PUM2: variants seen among roughly 807,000 people sequenced by gnomAD.
The protein encoded by PUM2 is pumilio RNA binding family member 2.
A neutral mutation model predicts 124.5 loss-of-function variants in PUM2; 57 were observed. The ratio of observed to expected loss-of-function variants is 0.46; its 90% CI spans 0.37 to 0.57. The LOEUF is 0.57. Ranked by LOEUF, PUM2 falls within the 20% of genes least tolerant of loss-of-function variation. The probability of loss-of-function intolerance (pLI) is 0.00; values close to 1 mark genes in which losing one functional copy is unlikely to be tolerated. For synonymous variants in PUM2, 460 were observed against 446.1 expected, an observed-to-expected ratio of 1.03 and a Z score of -0.39; for missense variants, 1,065 against 1,290.6, an observed-to-expected ratio of 0.83 and a Z score of 2.68.
At chr2:20,278,955 T>C (rs1170268303) in intron 12 of PUM2, 136 bp from the exon 13 acceptor site, 7 of 684,002 alleles carry the variant, frequency 1.0e-5, no homozygotes, top group Non-Finnish European at 1.5e-5. Context: ...ATAATTACTG[T>C]GATAACTATA....
rs1263324514 is a variant in PUM2 at position 20,263,467 on chromosome 2, C to G, written c.1958-7G>C. 6.3e-7 allele frequency: 1 copy of G among 1,590,842 alleles called. No homozygotes were observed. Among genetic ancestry groups the G allele is most frequent in the Non-Finnish European group, 8.6e-7 (1 of 1,162,458 alleles). The stretch of plus-strand genomic sequence containing the variant: ...CTACCATTTGTCAGTCCTCCTACAA[C>G]AAAGCAGCTATGGTCAGCAAGTATT... On this transcript the variant is annotated splice_polypyrimidine_tract_variant and splice_region_variant and intron_variant, in intron 13 of 20. Transcript: ENST00000361078.
In PUM2 at chr2:20,294,433, C is replaced by T. The variant is rs187424529; in HGVS notation, c.1095G>A (p.Ala365=). The change falls in exon 9 of 21, where the codon GCG becomes GCA. Residue 365 remains alanine (A), a synonymous_variant. Transcript: ENST00000361078. ...CTTGCTGACTGGCTGTGTTATTTGC[C>T]GCAGCTGCAGCTTGCTGCTGAAATA... ...ANLFQQQAAA[A]ANNTASQQAA... is the part of the protein sequence containing the mutation. The T allele has an allele frequency of 4.0e-5, 64 of 1,614,110 alleles. No homozygotes were observed. In the African/African-American group the frequency reaches 4.9e-4, roughly 12 times the overall value.
rs1573074796 is a variant in PUM2 at position 20,350,580 on chromosome 2, A to C, written c.-19+17T>G. The C allele has an allele frequency of 2.0e-6, 2 of 985,422 alleles. No homozygotes were observed. The highest frequency in any genetic ancestry group is 2.3e-4 in the East Asian group (2 of 8,794). 61.0% of individuals were successfully genotyped at this position (985,422 alleles called of 1,614,324 possible). Reference sequence around the variant, plus strand: ...GCGCCAAAGGACCGGAGAAAGAGCGAACGCGGACTGACTTACAGGGCTGCT... The same window carrying C: ...GCGCCAAAGGACCGGAGAAAGAGCGCACGCGGACTGACTTACAGGGCTGCT... On this transcript the variant is annotated intron_variant, in intron 1 of 20. Coordinates refer to ENST00000361078, the MANE Select transcript of PUM2 (RefSeq NM_015317.5).
rs757356298 is a variant in PUM2 at position 20,283,189 on chromosome 2, C to T, written c.1478G>A (p.Gly493Asp). ...AAGGTASSLT[G>D]STNGLFRPIG... The stretch of plus-strand genomic sequence containing the variant: ...TGGCCGAAACAGACCATTTGTGCTG[C>T]CTGTAAGGCTACTTGCAGTTCCTCC... The change falls in exon 12 of 21, where the codon GGC becomes GAC. Residue 493 changes from glycine to aspartate, a missense_variant. Physicochemically the swap from Gly to Asp is moderately conservative, Grantham distance 94. Transcript: ENST00000361078. 2 of 1,614,032 alleles carry T rather than the reference C, an allele frequency of 1.2e-6. No homozygotes were observed. Among genetic ancestry groups the T allele is most frequent in the Non-Finnish European group, 1.7e-6 (2 of 1,179,960 alleles).
chr2:20,337,887 GATT>G (rs1416626638), intron 1 of PUM2, among the ~76,000 whole-genome samples: 1 of 152,118 alleles, frequency 6.6e-6, no homozygotes. Context: ...TTATGCCACA[GATT>G]ATACCAGGCA....
At chr2:20,322,703 T>C (rs1682662540) in intron 2 of PUM2, among the ~76,000 whole-genome samples, 1 of 152,108 alleles carries the variant, frequency 6.6e-6, no homozygotes, top group Admixed American at 6.6e-5. Context: ...CTGGGGAGGC[T>C]GATGTGGGAG....
chr2:20,328,150 A>G (rs1469413734), intron 1 of PUM2, among the ~76,000 whole-genome samples: 1 of 152,164 alleles, frequency 6.6e-6, no homozygotes, highest in Non-Finnish European at 1.5e-5. Context: ...CCTGGCCAAC[A>G]TGGTGAAACC....
chr2:20,301,656 T>C (rs77016312), intron 7 of PUM2, among the ~76,000 whole-genome samples: 1,591 of 152,224 alleles, frequency 0.01, 30 homozygotes, highest in African/African-American at 0.036. Flanking sequence ...GGCATGATCA[T>C]GGCTAATTTC....
intron 2 of PUM2, among the ~76,000 whole-genome samples, chr2:20,323,913 A>C (rs1683027177): frequency 2.2e-5 from 1 of 46,076 alleles, no homozygotes; most frequent in Non-Finnish European, 4.6e-5. Context: ...ACTAGCAAAA[A>C]AAAAAAAAAA....
At chr2:20,283,940 T>A (rs1316755839) in intron 10 of PUM2, among the ~76,000 whole-genome samples, 1 of 152,230 alleles carries the variant, frequency 6.6e-6, no homozygotes, top group Non-Finnish European at 1.5e-5. Flanking sequence ...TTTGTAATCA[T>A]CTCTTTAAAA....
At chr2:20,267,732 G>T (rs1412611441) in intron 13 of PUM2, among the ~76,000 whole-genome samples, 1 of 152,126 alleles carries the variant, frequency 6.6e-6, no homozygotes, top group Admixed American at 6.5e-5. Context: ...TGGTCCAATG[G>T]TCCAAAAGGT....
intron 2 of PUM2, chr2:20,326,209 T>G: frequency 8.0e-7 from 1 of 1,252,090 alleles, no homozygotes; most frequent in South Asian, 1.3e-5. Context: ...CCTTATGCAC[T>G]GGTCTAACAA....
At chr2:20,307,178 T>C (rs1190492800) in intron 7 of PUM2, among the ~76,000 whole-genome samples, 2 of 152,030 alleles carry the variant, frequency 1.3e-5, no homozygotes, top group African/African-American at 4.8e-5. Context: ...ATTGCCCCAC[T>C]GTACTCCAGC....
chr2:20,351,260 G>A (rs566714515), upstream of PUM2, among the ~76,000 whole-genome samples: 1 of 152,366 alleles, frequency 6.6e-6, no homozygotes, highest in South Asian at 2.1e-4. Flanking sequence ...GGGTACTCCT[G>A]GCATTTCGCT....
chr2:20,282,619 T>C (rs572712488), intron 12 of PUM2, among the ~76,000 whole-genome samples: 1 of 152,296 alleles, frequency 6.6e-6, no homozygotes, highest in African/African-American at 2.4e-5. Context: ...CATTATGTAG[T>C]GAATGAAGAT....
chr2:20,317,580 G>A lies in PUM2; in HGVS notation c.160+957C>T, dbSNP rs377290000. Among the ~76,000 whole-genome samples the A allele has an allele frequency of 1.2e-4, 19 of 152,128 alleles. No homozygotes were observed. In the East Asian group the frequency reaches 2.7e-3, roughly 22 times the overall value. On this transcript the variant is annotated intron_variant, in intron 3 of 20. Coordinates refer to ENST00000361078, the MANE Select transcript of PUM2 (RefSeq NM_015317.5). ...TTAAACTTTTATTCTAGATTGGGGG[G>A]GTACATGTGCAGGTTTGTTATATAG... is the stretch of plus-strand genomic sequence containing the variant.
intron 7 of PUM2, among the ~76,000 whole-genome samples, chr2:20,306,869 A>T (rs1477320438): frequency 2.6e-5 from 4 of 151,364 alleles, no homozygotes; most frequent in African/African-American, 9.7e-5. Context: ...AGCCTCCCAA[A>T]GTGCTGGGAT....
chr2:20,259,892 A>T lies in PUM2; in HGVS notation c.2355+445T>A, dbSNP rs75226812. Among the ~76,000 whole-genome samples, 993 of 152,346 alleles carry T rather than the reference A, an allele frequency of 6.5e-3. 6 individuals are homozygous for T. Among genetic ancestry groups the T allele is most frequent in the African/African-American group, 0.022 (917 of 41,566 alleles). On this transcript the variant is annotated intron_variant, in intron 15 of 20. Coordinates refer to ENST00000361078, the MANE Select transcript of PUM2 (RefSeq NM_015317.5). ...AGCTACACCATTTTACATTTCCACC[A>T]GCAATTTATGAGGGCTCTAATTTCT... is the stretch of plus-strand genomic sequence containing the variant.
At chr2:20,336,517 AT>A (rs1224375302) in intron 1 of PUM2, among the ~76,000 whole-genome samples, 2,935 of 143,604 alleles carry the variant, frequency 0.02, 72 homozygotes, top group African/African-American at 0.062. Context: ...TAAAGATATA[AT>A]TTTTTTTTTT....
Sources: gnomAD v4.1 joint callset for allele counts (sites outside exome capture counted in the v4.1 genomes callset) on GRCh38, gnomAD v4.1.1 for gene constraint, MANE v1.5 for transcripts, NCBI Gene and HGNC (gene_info 2026-07-23, HGNC 2026-07-21) for gene names.